The following ZNF653 variants were observed in gnomAD, a reference collection of about 807,000 sequenced individuals.
ZNF653 encodes 67 kDa zinc finger protein.
Under a neutral mutation model 59.9 loss-of-function variants are expected in ZNF653, and 37 were observed. The ratio of observed to expected loss-of-function variants is 0.62; its 90% CI spans 0.48 to 0.81. ZNF653 has a LOEUF of 0.81. ZNF653 is among the 40% of genes least tolerant of loss of function. ZNF653 has a pLI of 0.00. For synonymous variants in ZNF653, 435 were observed against 371.8 expected (o/e 1.17, Z -1.96); for missense variants, 808 against 881.1 (o/e 0.92, Z 1.05).
At chr19:11,486,181 G>C (rs1175042851) in intron 6 of ZNF653, among the ~76,000 whole-genome samples, 4 of 152,054 alleles carry the variant, frequency 2.6e-5, no homozygotes, top group Non-Finnish European at 2.9e-5. Context: ...GGATGGTCTC[G>C]ATCTCCTGAC....
At position 11,496,068 on chromosome 19, in the gene ZNF653, G is replaced by A. The variant is rs1378189283; in HGVS notation, c.441C>T (p.Asp147=). Residue 147 remains aspartate, a synonymous_variant, in exon 3 of 9, where the codon GAC becomes GAT. Transcript: ENST00000293771. ...CPYEPHLAEL[D]PTFGLYTTAV... ...CCGTGGTGTACAGGCCAAAAGTGGG[G>A]TCTAGCTCCGCCAGGTGCGGCTCGT... 2.5e-6 allele frequency: 4 copies of A among 1,614,066 alleles called. No homozygotes were observed. Among genetic ancestry groups the A allele is most frequent in the East Asian group, 2.2e-5 (1 of 44,892 alleles).
intron 3 of ZNF653, among the ~76,000 whole-genome samples, chr19:11,494,429 G>A (rs1341516876): frequency 2.6e-5 from 4 of 151,944 alleles, no homozygotes; most frequent in East Asian, 1.9e-4. Context: ...AGTGGCTCAC[G>A]CCTGTAATCC....
intron 3 of ZNF653, among the ~76,000 whole-genome samples, chr19:11,492,176 A>G (rs1971536554): frequency 6.6e-6 from 1 of 151,964 alleles, no homozygotes; most frequent in Admixed American, 6.6e-5. Flanking sequence ...TCTCCTGAGT[A>G]GCTGGGATTA....
Position 11,502,874 on chromosome 19 carries a change from A to T in ZNF653, c.299+2614T>A, listed in dbSNP as rs1190628867. ...CATGGCGAAACCCCGTCTCTACTAAAAATACAAAAATTAGCCGGGCATGGG... is the reference window on the plus strand; with the variant it reads ...CATGGCGAAACCCCGTCTCTACTAATAATACAAAAATTAGCCGGGCATGGG... On this transcript the variant is annotated intron_variant, in intron 1 of 8. Transcript: ENST00000293771. 4.6e-5 allele frequency among the ~76,000 whole-genome samples: 7 copies of T among 152,052 alleles called. No individual in the cohort carries two copies. In the East Asian group the frequency reaches 1.4e-3, roughly 30 times the overall value.
At position 11,505,612 on chromosome 19, in the gene ZNF653, G is replaced by GC. The variant is rs1451764994; in HGVS notation, c.174dup (p.Arg59AlafsTer125). 3 of 1,504,196 alleles carry GC rather than the reference G, an allele frequency of 2.0e-6. No individual in the cohort carries two copies. Among genetic ancestry groups the GC allele is most frequent in the Non-Finnish European group, 2.6e-6 (3 of 1,133,708 alleles). The allele number at this position is 1,504,196 out of a possible 1,614,324, so 93.2% of individuals were successfully genotyped here. On this transcript the variant is annotated frameshift_variant, in exon 1 of 9. Coordinates refer to ENST00000293771, the MANE Select transcript of ZNF653 (RefSeq NM_138783.4). LOFTEE classifies it high-confidence loss of function. ...CCGTGCGCCTCGCCCAGGTACACGC[G>GC]CCGCACGTCGTACTTCTTCCGGGAC... is the stretch of plus-strand genomic sequence containing the variant.
At chr19:11,490,682 C>T (rs543719704) in intron 3 of ZNF653, among the ~76,000 whole-genome samples, 3 of 152,132 alleles carry the variant, frequency 2.0e-5, no homozygotes, top group South Asian at 4.2e-4. Context: ...TGTGAGCCAC[C>T]GCGACTGGCC....
chr19:11,487,831 G>A lies in ZNF653; in HGVS notation c.632C>T (p.Pro211Leu), dbSNP rs749240443. 5.0e-6 allele frequency: 8 copies of A among 1,611,818 alleles called. No individual in the cohort carries two copies. The highest frequency in any genetic ancestry group is 1.3e-5 in the African/African-American group (1 of 75,004). ...CGCAGCCTTGACCGGCTGGCCCTCA[G>A]GAGACTCCTCAGAGTCAGAGGCAGA... ...SGSASDSEES[P>L]EGQPVKAAAA... The change falls in exon 4 of 9, where the codon CCT becomes CTT. Residue 211 changes from proline to leucine, a missense_variant. Physicochemically the swap from Pro to Leu is moderately conservative, Grantham distance 98 (BLOSUM62 -3). Transcript: ENST00000293771. The surrounding 1 kb of genome is among the most constrained non-coding windows in gnomAD (Gnocchi z 5.1).
chr19:11,498,703 C>G (rs2144948844), intron 1 of ZNF653, among the ~76,000 whole-genome samples: 1 of 151,928 alleles, frequency 6.6e-6, no homozygotes, highest in African/African-American at 2.4e-5. Flanking sequence ...CTCAGCCTCC[C>G]AAAGTGCTGG....
intron 1 of ZNF653, among the ~76,000 whole-genome samples, chr19:11,499,689 A>G (rs1280656267): frequency 6.6e-6 from 1 of 151,812 alleles, no homozygotes; most frequent in East Asian, 1.9e-4. Flanking sequence ...AGACGGGTGC[A>G]TCGCTTGAGG....
Position 11,483,959 on chromosome 19 carries a change from C to A in ZNF653, c.1670+83G>T, listed in dbSNP as rs1415351977. 4 of 1,523,472 alleles carry A rather than the reference C, an allele frequency of 2.6e-6. No individual in the cohort carries two copies. In the South Asian group the frequency reaches 3.6e-5, roughly 14 times the overall value. The allele number at this position is 1,523,472 out of a possible 1,614,324, so 94.4% of individuals were successfully genotyped here. A position where few individuals can be genotyped will look rare whatever the true frequency, so the allele number is the denominator to read the frequency against. On this transcript the variant is annotated intron_variant, in intron 8 of 8. Transcript: ENST00000293771. The stretch of plus-strand genomic sequence containing the variant: ...CAGGTGGAACCGGGCCCAGACACTG[C>A]GTTGGGGCGAAGCCGCCCCTGGGAC...
Position 11,487,998 on chromosome 19 carries a change from A to AT in ZNF653, c.560-96dup, listed in dbSNP as rs1555736355. ...TTTTATTTTATTTATTTATTTATTTATTTTTTTGAGACAGAGTCTCACTCT... is the reference window on the plus strand; with the variant it reads ...TTTTATTTTATTTATTTATTTATTTATTTTTTTTGAGACAGAGTCTCACTCT... On this transcript the variant is annotated intron_variant, in intron 3 of 8. Transcript: ENST00000293771. This position sits in a 1 kb window ranked among gnomAD's most constrained non-coding sequence, Gnocchi z 5.1. 1.8e-6 allele frequency: 2 copies of AT among 1,125,636 alleles called. No homozygotes were observed. Among genetic ancestry groups the AT allele is most frequent in the East Asian group, 3.3e-5 (1 of 30,396 alleles). The allele number at this position is 1,125,636 out of a possible 1,614,324, so 69.7% of individuals were successfully genotyped here.
At chr19:11,489,056 C>T (rs1178013848) in intron 3 of ZNF653, among the ~76,000 whole-genome samples, 11 of 151,850 alleles carry the variant, frequency 7.2e-5, no homozygotes, top group African/African-American at 2.2e-4. Flanking sequence ...TGCACCACCA[C>T]ACCTGGCTAA....
intron 2 of ZNF653, among the ~76,000 whole-genome samples, chr19:11,496,566 C>A (rs1448587930): frequency 6.6e-6 from 1 of 151,812 alleles, no homozygotes; most frequent in Non-Finnish European, 1.5e-5. Context: ...TCTGTTCCCT[C>A]CTCTGCTCAG....
At chr19:11,483,881 A>G (rs1372189494) in intron 8 of ZNF653, 22 bp from the exon 9 acceptor site, 1 of 1,266,856 alleles carries the variant, frequency 7.9e-7, no homozygotes, top group Non-Finnish European at 1.1e-6. Context: ...CCGTGGCGGG[A>G]CGGGGCGGGG....
At chr19:11,485,793 TG>T in intron 6 of ZNF653, 23 bp from the exon 7 acceptor site, 1 of 1,592,088 alleles carries the variant, frequency 6.3e-7, no homozygotes, top group Non-Finnish European at 8.6e-7. Context: ...CAGGCAGAAG[TG>T]GGTCCCATAG....
intron 1 of ZNF653, chr19:11,505,114 G>A: frequency 4.8e-6 from 1 of 207,724 alleles, no homozygotes. Flanking sequence ...GGCCAGGTGG[G>A]GAACTAAGCG....
In ZNF653 at chr19:11,496,121, AC is replaced by A; in HGVS notation, c.387del (p.Trp129CysfsTer18). 6.2e-7 allele frequency: 1 copy of A among 1,613,968 alleles called. No homozygotes were observed. The highest frequency in any genetic ancestry group is 8.5e-7 in the Non-Finnish European group (1 of 1,179,990). ...GGGCAGCGGTGCTTGTGGTCCTCGT[AC>A]CAGATCACCACGTTCTTCAGGCAGT... ...NVNCLKNVVI[W>X]YEDHKHRCPY... On this transcript the variant is annotated frameshift_variant, in exon 3 of 9. Coordinates refer to ENST00000293771, the MANE Select transcript of ZNF653 (RefSeq NM_138783.4). LOFTEE classifies it high-confidence loss of function.
chr19:11,487,770 C>G lies in ZNF653; in HGVS notation c.693G>C (p.Val231=). 6.2e-7 allele frequency: 1 copy of G among 1,612,866 alleles called. No homozygotes were observed. Among genetic ancestry groups the G allele is most frequent in the East Asian group, 2.2e-5 (1 of 44,852 alleles). Residue 231 remains valine (V), a synonymous_variant, in exon 4 of 9, where the codon GTG becomes GTC. Transcript: ENST00000293771. This position sits in a 1 kb window ranked among gnomAD's most constrained non-coding sequence, Gnocchi z 5.1. ...CCTGAGTGATGAGCCCGCTGCTGCCCACCGGGCTGGTGGGCGTCGCTGCCG... is the reference window on the plus strand; with the variant it reads ...CCTGAGTGATGAGCCCGCTGCTGCCGACCGGGCTGGTGGGCGTCGCTGCCG... The part of the protein sequence containing the change: ...AAAAATPTSP[V]GSSGLITQEG...
At position 11,505,749 on chromosome 19, in the gene ZNF653, T is replaced by C. The variant is rs1599572246; in HGVS notation, c.38A>G (p.Glu13Gly). The change falls in exon 1 of 9, where the codon GAG becomes GGG. Residue 13 changes from glutamate (E) to glycine (G), a missense_variant. Glu to Gly is a moderately conservative substitution (Grantham distance 98). Coordinates refer to ENST00000293771, the MANE Select transcript of ZNF653 (RefSeq NM_138783.4). ...CTCCCCGCCCGCGCCCGCCTCAGCCTCCGCCTCCGCCTCGGGCTCTAGCGC... is the reference window on the plus strand; with the variant it reads ...CTCCCCGCCCGCGCCCGCCTCAGCCCCCGCCTCCGCCTCGGGCTCTAGCGC... ...ERALEPEAEA[E>G]AEAGAGGEAA... is the part of the protein sequence containing the mutation. The C allele has an allele frequency of 1.4e-6, 2 of 1,394,258 alleles. No homozygotes were observed. Among genetic ancestry groups the C allele is most frequent in the Admixed American group, 3.4e-5 (1 of 29,340 alleles). 86.4% of individuals were successfully genotyped at this position (1,394,258 alleles called of 1,614,324 possible).
Sources: gnomAD v4.1 joint callset for allele counts (sites outside exome capture counted in the v4.1 genomes callset) on GRCh38, gnomAD v4.1.1 for gene constraint, Gnocchi (gnomAD v3.1) non-coding constraint, MANE v1.5 for transcripts, NCBI Gene and HGNC (gene_info 2026-07-23, HGNC 2026-07-21) for gene names.